Variants in RGS9 observed in about 807,000 individuals in gnomAD.
The protein encoded by RGS9 is regulator of G-protein signalling 9.
RGS9 carries 78 observed loss-of-function variants against 102.0 expected under a neutral mutation model. The observed-to-expected ratio is 0.76, with a 90% CI of 0.64 to 0.92. The LOEUF (loss-of-function observed/expected upper bound fraction) is 0.92, where lower values mean the gene tolerates loss of function less well. Among genes scored for constraint, RGS9 ranks in the 40% least tolerant of loss-of-function variants. The probability of loss-of-function intolerance (pLI) is 0.00; values close to 1 mark genes in which losing one functional copy is unlikely to be tolerated. For missense variants in RGS9, 833 were observed against 866.1 expected (o/e 0.96, Z 0.48); for synonymous variants, 353 against 318.6 (o/e 1.11, Z -1.15).
intron 13 of RGS9, among the ~76,000 whole-genome samples, chr17:65,199,562 C>T (rs1408419172): frequency 1.4e-5 from 2 of 138,164 alleles, no homozygotes; most frequent in Non-Finnish European, 3.0e-5. Context: ...GGCGTGATCT[C>T]ATCTCACTGC....
intron 13 of RGS9, among the ~76,000 whole-genome samples, chr17:65,197,606 AG>A (rs1395360809): frequency 6.6e-6 from 1 of 152,144 alleles, no homozygotes; most frequent in Admixed American, 6.5e-5. Context: ...GAAGGGAGAC[AG>A]GCAGGCTTTC....
intron 1 of RGS9, 104 bp from the exon 2 acceptor site, chr17:65,153,318 G>A (rs1910650374): frequency 1.0e-6 from 1 of 965,020 alleles, no homozygotes; most frequent in Middle Eastern, 2.1e-4. Flanking sequence ...GAACCCCTGT[G>A]TCCACCTTTG....
At chr17:65,214,442 T>C (rs1333442239) in intron 17 of RGS9, among the ~76,000 whole-genome samples, 1 of 152,208 alleles carries the variant, frequency 6.6e-6, no homozygotes, top group African/African-American at 2.4e-5. Context: ...TGATGATTGT[T>C]GATTGAGACC....
chr17:65,197,012 G>A, intron 12 of RGS9, 114 bp from the exon 13 acceptor site: 1 of 728,872 alleles, frequency 1.4e-6, no homozygotes, highest in Non-Finnish European at 2.5e-6. Flanking sequence ...GGGATTGGGA[G>A]GAGGAGGATT....
intron 2 of RGS9, among the ~76,000 whole-genome samples, chr17:65,155,400 T>G (rs1319653870): frequency 6.6e-6 from 1 of 152,200 alleles, no homozygotes. Flanking sequence ...TAACAGATGG[T>G]TAGTAAAAGT....
rs1172931525 is a variant in RGS9 at position 65,225,123 on chromosome 17, C to A, written c.1529C>A (p.Pro510His). ...CRSPRKPFAS[P>H]SRFIRRPSTT... is the part of the protein sequence containing the mutation. ...TCCCCCAGGAAGCCTTTCGCCTCAC[C>A]CAGCCGCTTCATCCGGCGACCCAGC... Residue 510 changes from proline to histidine, a missense_variant, in exon 18 of 19, where the codon CCC becomes CAC. Pro to His is a moderately conservative substitution (Grantham distance 77). Around this residue, in one of 3 missense-constraint regions of RGS9, gnomAD observed 320 missense variants for 276.8 expected, o/e 1.16. Transcript: ENST00000262406. 6.2e-7 allele frequency: 1 copy of A among 1,613,760 alleles called. No homozygotes were observed. The highest frequency in any genetic ancestry group is 8.5e-7 in the Non-Finnish European group (1 of 1,180,044).
rs141569992 is a variant in RGS9 at position 65,167,742 on chromosome 17, A to G, written c.501-458A>G. Reference sequence around the variant, plus strand: ...CAAATGTCGACCCGGAAGTTCACCCATGCGCGCTGCTCTCTAATGTTGAAG... The same window carrying G: ...CAAATGTCGACCCGGAAGTTCACCCGTGCGCGCTGCTCTCTAATGTTGAAG... On this transcript the variant is annotated intron_variant, in intron 7 of 18. Transcript: ENST00000262406. 9.9e-5 allele frequency among the ~76,000 whole-genome samples: 15 copies of G among 152,272 alleles called. No individual in the cohort carries two copies. In the East Asian group the frequency reaches 2.9e-3, roughly 29 times the overall value.
At chr17:65,161,139 T>C (rs1440229226) in intron 6 of RGS9, among the ~76,000 whole-genome samples, 1 of 152,248 alleles carries the variant, frequency 6.6e-6, no homozygotes, top group East Asian at 1.9e-4. Context: ...CTTGCCTCAG[T>C]GGCTACTGGG....
At chr17:65,179,609 G>A (rs1455348495) in intron 9 of RGS9, among the ~76,000 whole-genome samples, 4 of 151,004 alleles carry the variant, frequency 2.6e-5, no homozygotes, top group Admixed American at 2.0e-4. Context: ...TCACCCATCC[G>A]TGACCCAAGC....
At chr17:65,145,477 C>T (rs2143956030) in intron 1 of RGS9, among the ~76,000 whole-genome samples, 1 of 152,130 alleles carries the variant, frequency 6.6e-6, no homozygotes, top group Non-Finnish European at 1.5e-5. Context: ...CAACCTCTGC[C>T]TCCCGGGTTC....
chr17:65,172,930 CT>C (rs543976250), intron 8 of RGS9, among the ~76,000 whole-genome samples: 3 of 148,140 alleles, frequency 2.0e-5, no homozygotes, highest in African/African-American at 2.5e-5. Context: ...TTCTTTCTTT[CT>C]TTTTTTTTTG....
Position 65,161,000 on chromosome 17 carries a change from T to C in RGS9, c.423+91T>C. 12 of 1,043,538 alleles carry C rather than the reference T, an allele frequency of 1.1e-5. 1 individual carries two copies. The highest frequency in any genetic ancestry group is 1.1e-4 in the South Asian group (9 of 78,542). The allele number at this position is 1,043,538 out of a possible 1,614,324, so 64.6% of individuals were successfully genotyped here. A position where few individuals can be genotyped will look rare whatever the true frequency, so the allele number is the denominator to read the frequency against. On this transcript the variant is annotated intron_variant, in intron 6 of 18. Coordinates refer to ENST00000262406, the MANE Select transcript of RGS9 (RefSeq NM_003835.4). ...CCTCATTCCCACATCACTACATTCATATGCGCCCACATTCATATGCAATCC... is the reference window on the plus strand; with the variant it reads ...CCTCATTCCCACATCACTACATTCACATGCGCCCACATTCATATGCAATCC...
At chr17:65,175,422 C>T (rs1395596289) in intron 8 of RGS9, among the ~76,000 whole-genome samples, 1 of 152,170 alleles carries the variant, frequency 6.6e-6, no homozygotes, top group African/African-American at 2.4e-5. Flanking sequence ...TGCTGAGCCC[C>T]TGCCATGTGA....
chr17:65,221,594 A>G (rs1220409572), intron 17 of RGS9, among the ~76,000 whole-genome samples: 50 of 151,916 alleles, frequency 3.3e-4, no homozygotes, highest in Non-Finnish European at 4.4e-5. Context: ...CCAGCCAGGT[A>G]TGAGCTCAGT....
At chr17:65,142,819 G>A (rs1460223776) in intron 1 of RGS9, among the ~76,000 whole-genome samples, 1 of 152,008 alleles carries the variant, frequency 6.6e-6, no homozygotes. Context: ...CTGACCTCAG[G>A]TGCCCCACCT....
At chr17:65,224,281 G>T (rs994428315) in intron 17 of RGS9, among the ~76,000 whole-genome samples, 3 of 152,172 alleles carry the variant, frequency 2.0e-5, no homozygotes, top group African/African-American at 7.2e-5. Flanking sequence ...CTGGGGCCAT[G>T]GTGGCCCAGG....
intron 9 of RGS9, among the ~76,000 whole-genome samples, chr17:65,180,732 A>C (rs192491672): frequency 6.6e-6 from 1 of 152,264 alleles, no homozygotes; most frequent in Non-Finnish European, 1.5e-5. Flanking sequence ...TTTGGTATAT[A>C]GATTATCTTG....
chr17:65,200,119 C>T (rs1912771243), intron 13 of RGS9, among the ~76,000 whole-genome samples: 1 of 152,112 alleles, frequency 6.6e-6, no homozygotes, highest in African/African-American at 2.4e-5. Context: ...GCAACCACTG[C>T]CTCCCTGGTT....
chr17:65,189,158 C>T, intron 9 of RGS9, 128 bp from the exon 10 acceptor site: 2 of 747,708 alleles, frequency 2.7e-6, no homozygotes, highest in South Asian at 3.0e-5. Flanking sequence ...ATGGAGAAAT[C>T]CTATCTTTTA....
Sources: allele counts gnomAD v4.1 joint callset (sites outside exome capture counted in the v4.1 genomes callset), GRCh38; gene constraint gnomAD v4.1.1; regional missense constraint gnomAD v4.1.1; transcripts MANE v1.5; gene names NCBI Gene and HGNC (gene_info 2026-07-23, HGNC 2026-07-21).